ANTXR1: variants seen among roughly 807,000 people sequenced by gnomAD.
The protein encoded by ANTXR1 is anthrax toxin receptor 1.
ANTXR1 carries 19 observed loss-of-function variants against 78.1 expected under a neutral mutation model. That is an observed-to-expected ratio of 0.24 (90% CI 0.17 to 0.36). The LOEUF is 0.36. Ranked by LOEUF, ANTXR1 falls within the 10% of genes least tolerant of loss-of-function variation. ANTXR1 has a pLI of 1.00. For synonymous variants in ANTXR1, 273 were observed against 260.5 expected, an observed-to-expected ratio of 1.05 and a Z score of -0.46; for missense variants, 518 against 718.6, an observed-to-expected ratio of 0.72 and a Z score of 3.19.
intron 11 of ANTXR1, among the ~76,000 whole-genome samples, chr2:69,123,601 G>A (rs999941892): frequency 2.6e-5 from 4 of 152,176 alleles, no homozygotes; most frequent in Admixed American, 6.5e-5. Context: ...TGTCCCACAC[G>A]GTGCTCCTTC....
At chr2:69,087,217 T>C (rs1023685467) in intron 8 of ANTXR1, among the ~76,000 whole-genome samples, 5 of 152,250 alleles carry the variant, frequency 3.3e-5, no homozygotes, top group Admixed American at 2.6e-4. Context: ...GCTTAAGTTC[T>C]TGATAGTAAT....
intron 16 of ANTXR1, among the ~76,000 whole-genome samples, chr2:69,188,034 CAAAAAAAAAA>C (rs34500820): frequency 7.5e-4 from 68 of 90,776 alleles, no homozygotes; most frequent in Non-Finnish European, 1.0e-3. Flanking sequence ...TGCTGCCTGG[CAAAAAAAAAA>C]AAAAAAAAAA....
At chr2:69,127,245 A>G (rs1320822010) in intron 12 of ANTXR1, among the ~76,000 whole-genome samples, 1 of 152,158 alleles carries the variant, frequency 6.6e-6, no homozygotes, top group African/African-American at 2.4e-5. Flanking sequence ...AGAGTAATGG[A>G]TACATTGAAA....
intron 11 of ANTXR1, among the ~76,000 whole-genome samples, chr2:69,124,347 T>C (rs1672458608): frequency 6.6e-6 from 1 of 152,192 alleles, no homozygotes; most frequent in South Asian, 2.1e-4. Flanking sequence ...GCCAAGCATA[T>C]CCTGACACTT....
At chr2:69,230,568 T>C (rs983724806) in intron 17 of ANTXR1, among the ~76,000 whole-genome samples, 1 of 152,140 alleles carries the variant, frequency 6.6e-6, no homozygotes, top group African/African-American at 2.4e-5. Flanking sequence ...TTTAAGATTT[T>C]CAAGTCAAAA....
intron 17 of ANTXR1, among the ~76,000 whole-genome samples, chr2:69,228,436 CAT>C (rs559429087): frequency 2.6e-5 from 4 of 152,168 alleles, no homozygotes; most frequent in Non-Finnish European, 5.9e-5. Context: ...TCTAAAAGCA[CAT>C]GTTGCTCAAA....
intron 10 of ANTXR1, among the ~76,000 whole-genome samples, chr2:69,111,210 A>G (rs2104343961): frequency 6.6e-6 from 1 of 152,332 alleles, no homozygotes; most frequent in Non-Finnish European, 1.5e-5. Flanking sequence ...TATCTTGGAA[A>G]TCTTCACACA....
At chr2:69,190,826 T>C (rs1160244110) in intron 16 of ANTXR1, among the ~76,000 whole-genome samples, 1 of 152,248 alleles carries the variant, frequency 6.6e-6, no homozygotes, top group Non-Finnish European at 1.5e-5. Flanking sequence ...TTGCTATGCA[T>C]GTAACTTTAA....
intron 8 of ANTXR1, among the ~76,000 whole-genome samples, chr2:69,085,998 A>G (rs1671037603): frequency 6.6e-6 from 1 of 152,262 alleles, no homozygotes; most frequent in Non-Finnish European, 1.5e-5. Flanking sequence ...GCCCTTTACA[A>G]CAAATAAGAC....
intron 9 of ANTXR1, 100 bp downstream of exon 9, chr2:69,091,019 C>A (rs1671215659): frequency 5.7e-6 from 7 of 1,228,128 alleles, no homozygotes; most frequent in South Asian, 1.2e-5. Context: ...GAAAGAGGAA[C>A]AGGAAGGGGT....
chr2:69,178,018 A>G (rs1674178042), intron 14 of ANTXR1, among the ~76,000 whole-genome samples: 1 of 152,208 alleles, frequency 6.6e-6, no homozygotes, highest in South Asian at 2.1e-4. Flanking sequence ...AAGCCAGCTC[A>G]CACTGAGGAT....
chr2:69,195,246 G>A (rs1674644118), intron 17 of ANTXR1, among the ~76,000 whole-genome samples: 1 of 152,056 alleles, frequency 6.6e-6, no homozygotes, highest in African/African-American at 2.4e-5. Context: ...ACTCTGTGCT[G>A]TTCTGCTGTC....
In ANTXR1 at chr2:69,013,460, G is replaced by T. The variant is rs749365801; in HGVS notation, c.-40G>T. 6.3e-7 allele frequency: 1 copy of T among 1,579,834 alleles called. No individual in the cohort carries two copies. Among genetic ancestry groups the T allele is most frequent in the South Asian group, 1.2e-5 (1 of 86,020 alleles). Reference sequence around the variant, plus strand: ...GAGGGTCGTGGCGAGTTCGCGGAGCGTGGGAAGGAGCGGACCCTGCTCTCC... The same window carrying T: ...GAGGGTCGTGGCGAGTTCGCGGAGCTTGGGAAGGAGCGGACCCTGCTCTCC... On this transcript the variant is annotated 5_prime_UTR_variant, in exon 1 of 18. Transcript: ENST00000303714. This position sits in a 1 kb window ranked among gnomAD's most constrained non-coding sequence, Gnocchi z 5.0.
At chr2:69,054,748 A>G (rs544491397) in intron 3 of ANTXR1, among the ~76,000 whole-genome samples, 43 of 152,350 alleles carry the variant, frequency 2.8e-4, no homozygotes, top group Admixed American at 1.3e-3. Context: ...ACCAAGAGAC[A>G]TAGTTCTAAA....
At chr2:69,120,286 T>C (rs923802159) in intron 10 of ANTXR1, among the ~76,000 whole-genome samples, 1 of 152,228 alleles carries the variant, frequency 6.6e-6, no homozygotes, top group Non-Finnish European at 1.5e-5. Flanking sequence ...AGCACCTTTA[T>C]AAAGTCACAG....
intron 14 of ANTXR1, among the ~76,000 whole-genome samples, chr2:69,175,453 G>A (rs77840933): frequency 0.062 from 9,455 of 151,830 alleles, 969 homozygotes; most frequent in African/African-American, 0.22. Context: ...CCCCGCCGCC[G>A]ATATCTACAA....
At chr2:69,032,634 C>A (rs529631858) in intron 1 of ANTXR1, among the ~76,000 whole-genome samples, 8 of 151,890 alleles carry the variant, frequency 5.3e-5, no homozygotes, top group South Asian at 2.1e-4. Flanking sequence ...ATGGGAAATA[C>A]CTTTTGGGTT....
chr2:69,183,018 A>C lies in ANTXR1; in HGVS notation c.1353+358A>C, dbSNP rs944125329. The C allele has an allele frequency of 6.3e-5, 18 of 283,664 alleles. 1 individual carries two copies. The South Asian group carries it at 6.9e-4, about 11-fold the overall frequency. 17.6% of individuals were successfully genotyped at this position (283,664 alleles called of 1,614,324 possible). Reference sequence around the variant, plus strand: ...AAAATCACCATGGCAAGGTACTGGAAAAAGCATGGACTGTGAGTCAAGTAA... The same window carrying C: ...AAAATCACCATGGCAAGGTACTGGACAAAGCATGGACTGTGAGTCAAGTAA... On this transcript the variant is annotated intron_variant, in intron 16 of 17. Coordinates refer to ENST00000303714, the MANE Select transcript of ANTXR1 (RefSeq NM_032208.3).
intron 13 of ANTXR1, among the ~76,000 whole-genome samples, chr2:69,160,877 A>G (rs1211781157): frequency 6.6e-6 from 1 of 152,176 alleles, no homozygotes; most frequent in Non-Finnish European, 1.5e-5. Context: ...TATTCTGCCA[A>G]ATACTATTTG....
Sources: gnomAD v4.1 joint callset for allele counts (sites outside exome capture counted in the v4.1 genomes callset) on GRCh38, gnomAD v4.1.1 for gene constraint, Gnocchi (gnomAD v3.1) non-coding constraint, MANE v1.5 for transcripts, NCBI Gene and HGNC (gene_info 2026-07-23, HGNC 2026-07-21) for gene names.